VSTM2B: variants seen among roughly 807,000 people sequenced by gnomAD.
VSTM2B encodes the protein V-set and transmembrane domain containing 2B.
In VSTM2B, 24 loss-of-function variants were observed where a neutral mutation model predicts 24.0. That is an observed-to-expected ratio of 1.00 (90% CI 0.72 to 1.40). The LOEUF is 1.40. Ranked by LOEUF, VSTM2B falls within the 40% of genes most tolerant of loss-of-function variation. VSTM2B has a pLI of 0.00. For missense variants in VSTM2B, 399 were observed against 416.4 expected (o/e 0.96, Z 0.36); for synonymous variants, 226 against 194.4 (o/e 1.16, Z -1.35).
rs909013681 is a variant in VSTM2B at position 29,564,018 on chromosome 19, C to T, written c.*84C>T. 1 of 1,043,868 alleles carries T rather than the reference C, an allele frequency of 9.6e-7. No homozygotes were observed. Among genetic ancestry groups the T allele is most frequent in the African/African-American group, 1.6e-5 (1 of 62,732 alleles). The allele number at this position is 1,043,868 out of a possible 1,614,324, so 64.7% of individuals were successfully genotyped here. A position where few individuals can be genotyped will look rare whatever the true frequency, so the allele number is the denominator to read the frequency against. On this transcript the variant is annotated 3_prime_UTR_variant, in exon 5 of 5. Coordinates refer to ENST00000335523, the MANE Select transcript of VSTM2B (RefSeq NM_001146339.2). ...TGAGGACCATGTCGCTGGATGGACA[C>T]AGAGAGACTGAGAGACGCATGAAAA... is the stretch of plus-strand genomic sequence containing the variant.
intron 4 of VSTM2B, among the ~76,000 whole-genome samples, chr19:29,534,453 G>A (rs778763651): frequency 1.3e-5 from 2 of 152,186 alleles, no homozygotes; most frequent in Admixed American, 6.5e-5. Flanking sequence ...AGTGGCTCAC[G>A]CCTGTAATCA....
intron 4 of VSTM2B, among the ~76,000 whole-genome samples, chr19:29,544,787 C>A (rs544255190): frequency 6.6e-6 from 1 of 152,234 alleles, no homozygotes; most frequent in East Asian, 1.9e-4. Flanking sequence ...GTTAAAAATG[C>A]GAGGCCACCT....
At chr19:29,535,318 C>T (rs185126927) in intron 4 of VSTM2B, among the ~76,000 whole-genome samples, 5 of 152,252 alleles carry the variant, frequency 3.3e-5, no homozygotes, top group Admixed American at 2.0e-4. Context: ...AAGTCTAGCG[C>T]GGCCTCAAAA....
chr19:29,528,634 C>G (rs1169271693), intron 3 of VSTM2B, among the ~76,000 whole-genome samples, 172 bp downstream of exon 3: 2 of 152,256 alleles, frequency 1.3e-5, no homozygotes, highest in Non-Finnish European at 2.9e-5. Flanking sequence ...CCATCTGTCG[C>G]CGGTTGCAGG....
chr19:29,553,639 T>C (rs1480470365), intron 4 of VSTM2B, among the ~76,000 whole-genome samples: 1 of 152,016 alleles, frequency 6.6e-6, no homozygotes, highest in East Asian at 1.9e-4. Context: ...CTTCAGAAGG[T>C]GGATAATAAC....
chr19:29,549,659 C>G (rs1315928381), intron 4 of VSTM2B, among the ~76,000 whole-genome samples: 5 of 152,172 alleles, frequency 3.3e-5, no homozygotes, highest in African/African-American at 1.2e-4. Context: ...CTGGCCCTGA[C>G]ACGGGCCTTG....
chr19:29,545,894 A>C, intron 4 of VSTM2B, among the ~76,000 whole-genome samples: 1 of 152,172 alleles, frequency 6.6e-6, no homozygotes, highest in African/African-American at 2.4e-5. Context: ...GAAAAGAAAA[A>C]CGGCACTCTG....
At chr19:29,548,677 G>A (rs1328966794) in intron 4 of VSTM2B, among the ~76,000 whole-genome samples, 1 of 152,194 alleles carries the variant, frequency 6.6e-6, no homozygotes, top group Non-Finnish European at 1.5e-5. Flanking sequence ...GGGAGATCCC[G>A]CCAGATGCTC....
At chr19:29,529,476 A>T (rs1190690359) in intron 3 of VSTM2B, among the ~76,000 whole-genome samples, 2 of 152,152 alleles carry the variant, frequency 1.3e-5, no homozygotes, top group African/African-American at 4.8e-5. Flanking sequence ...AAGGTGCAGG[A>T]GGGAGGAAGG....
intron 4 of VSTM2B, among the ~76,000 whole-genome samples, chr19:29,545,224 G>A (rs554633087): frequency 1.8e-4 from 27 of 152,272 alleles, no homozygotes; most frequent in African/African-American, 6.0e-4. Context: ...GGTGCGGGGA[G>A]AGAGGTAGCC....
chr19:29,553,925 A>G (rs760704784), intron 4 of VSTM2B, among the ~76,000 whole-genome samples: 19 of 152,238 alleles, frequency 1.2e-4, no homozygotes, highest in Non-Finnish European at 2.1e-4. Context: ...GGGATTATGT[A>G]GAAAGACCAA....
intron 4 of VSTM2B, among the ~76,000 whole-genome samples, chr19:29,561,452 C>T (rs539813825): frequency 3.3e-4 from 50 of 152,066 alleles, no homozygotes; most frequent in South Asian, 8.3e-4. Context: ...GGTGAAACCC[C>T]GTGTCTACTA....
At chr19:29,563,636 G>C (rs1349344959) in intron 4 of VSTM2B, among the ~76,000 whole-genome samples, 1 of 152,130 alleles carries the variant, frequency 6.6e-6, no homozygotes, top group Non-Finnish European at 1.5e-5. Flanking sequence ...ATCTCACTAG[G>C]ATCCTAAAGT....
chr19:29,529,746 G>A, intron 3 of VSTM2B, 73 bp from the exon 4 acceptor site: 1 of 1,431,170 alleles, frequency 7.0e-7, no homozygotes, highest in Non-Finnish European at 9.5e-7. Context: ...ATGAGGGGGC[G>A]CGACGGCCAG....
chr19:29,532,154 G>A (rs78449237), intron 4 of VSTM2B, among the ~76,000 whole-genome samples: 5,810 of 152,274 alleles, frequency 0.038, 277 homozygotes, highest in African/African-American at 0.11. Context: ...TTCTGGCAGC[G>A]CTTAACTCTC....
At position 29,527,408 on chromosome 19, in the gene VSTM2B, C is replaced by T; in HGVS notation, c.267+13C>T. Reference sequence around the variant, plus strand: ...CGCCCGGAGCAAGGTAACCCGCCGCCCACGCGGTACCGGCGCGCGCCCGGC... The same window carrying T: ...CGCCCGGAGCAAGGTAACCCGCCGCTCACGCGGTACCGGCGCGCGCCCGGC... On this transcript the variant is annotated intron_variant, in intron 2 of 4. Coordinates refer to ENST00000335523, the MANE Select transcript of VSTM2B (RefSeq NM_001146339.2). The T allele has an allele frequency of 6.6e-7, 1 of 1,505,376 alleles. No individual in the cohort carries two copies. Among genetic ancestry groups the T allele is most frequent in the Non-Finnish European group, 8.8e-7 (1 of 1,130,378 alleles). The allele number at this position is 1,505,376 out of a possible 1,614,324, so 93.3% of individuals were successfully genotyped here.
intron 3 of VSTM2B, 113 bp downstream of exon 3, chr19:29,528,575 G>C (rs1394241298): frequency 9.7e-6 from 13 of 1,333,362 alleles, no homozygotes; most frequent in Non-Finnish European, 1.4e-5. Flanking sequence ...CGCGCAAGTA[G>C]GGCAGCGATC....
At chr19:29,559,421 T>G (rs1034133533) in intron 4 of VSTM2B, among the ~76,000 whole-genome samples, 11 of 151,946 alleles carry the variant, frequency 7.2e-5, no homozygotes, top group African/African-American at 2.7e-4. Flanking sequence ...TGAGAACACA[T>G]GGACACGGGA....
chr19:29,534,974 T>G (rs1969854887), intron 4 of VSTM2B, among the ~76,000 whole-genome samples: 1 of 152,224 alleles, frequency 6.6e-6, no homozygotes, highest in Non-Finnish European at 1.5e-5. Context: ...AAGAAAGCCC[T>G]TCCCATGCCA....
Sources: gnomAD v4.1 joint callset for allele counts (sites outside exome capture counted in the v4.1 genomes callset) on GRCh38, gnomAD v4.1.1 for gene constraint, MANE v1.5 for transcripts, NCBI Gene and HGNC (gene_info 2026-07-23, HGNC 2026-07-21) for gene names.